The following CDCP1 variants were observed in gnomAD, a reference collection of about 807,000 sequenced individuals.
CDCP1 encodes the protein CUB domain containing protein 1.
CDCP1 carries 29 observed loss-of-function variants against 60.2 expected under a neutral mutation model. That is an observed-to-expected ratio of 0.48 (90% confidence interval 0.36 to 0.66). The LOEUF is 0.66. Among genes scored for constraint, CDCP1 ranks in the 30% least tolerant of loss-of-function variants. The pLI is 0.00. For synonymous variants in CDCP1, 387 were observed against 431.1 expected, an observed-to-expected ratio of 0.90 and a Z score of 1.27; for missense variants, 876 against 1,074.3, an observed-to-expected ratio of 0.82 and a Z score of 2.58.
chr3:45,144,608 G>A (rs1349583932), intron 1 of CDCP1, among the ~76,000 whole-genome samples: 1 of 152,198 alleles, frequency 6.6e-6, no homozygotes, highest in Non-Finnish European at 1.5e-5. Context: ...ACCAGGAACA[G>A]AGGCTCTCAT....
In CDCP1 at chr3:45,095,420, A is replaced by C; in HGVS notation, c.1173T>G (p.Ser391=). Residue 391 remains serine (S), a synonymous_variant, in exon 5 of 9, where the codon TCT becomes TCG. Transcript: ENST00000296129. The part of the protein sequence containing the change: ...RTCSSNLTLT[S]GSKHKISFLC... The stretch of plus-strand genomic sequence containing the variant: ...GGAAGGAGATTTTGTGTTTGGAGCC[A>C]GATGTCAGGGTGAGGTTGCTACTGC... 6.2e-7 allele frequency: 1 copy of C among 1,614,214 alleles called. No homozygotes were observed. The highest frequency in any genetic ancestry group is 1.3e-5 in the African/African-American group (1 of 75,058).
chr3:45,100,699 A>G (rs1698474131), intron 4 of CDCP1, among the ~76,000 whole-genome samples: 1 of 152,214 alleles, frequency 6.6e-6, no homozygotes, highest in Non-Finnish European at 1.5e-5. Flanking sequence ...ATGTTTTAAA[A>G]TGCTTTAAAA....
At chr3:45,134,129 G>A (rs1256644398) in intron 1 of CDCP1, among the ~76,000 whole-genome samples, 9 of 151,838 alleles carry the variant, frequency 5.9e-5, no homozygotes, top group Admixed American at 5.9e-4. Flanking sequence ...TGTTTTTGAG[G>A]CCTTAGATCT....
intron 3 of CDCP1, 53 bp downstream of exon 3, chr3:45,112,030 T>C: frequency 6.3e-7 from 1 of 1,575,476 alleles, no homozygotes; most frequent in Non-Finnish European, 8.6e-7. Flanking sequence ...CCTAGAACAA[T>C]GATGATCTTG....
intron 1 of CDCP1, among the ~76,000 whole-genome samples, chr3:45,133,350 C>G (rs767979004): frequency 6.6e-6 from 1 of 151,396 alleles, no homozygotes; most frequent in Non-Finnish European, 1.5e-5. Context: ...TTCCGACCTA[C>G]AGAACTGTGA....
At chr3:45,123,469 T>C (rs1698920934) in intron 1 of CDCP1, among the ~76,000 whole-genome samples, 1 of 152,178 alleles carries the variant, frequency 6.6e-6, no homozygotes. Flanking sequence ...TGACTTATAT[T>C]ATAGGCTCTT....
intron 4 of CDCP1, among the ~76,000 whole-genome samples, chr3:45,107,196 C>T (rs1031636402): frequency 1.1e-4 from 17 of 151,952 alleles, no homozygotes; most frequent in Non-Finnish European, 2.2e-4. Context: ...AGTGTTGTGT[C>T]TTTCTTTCCT....
intron 1 of CDCP1, among the ~76,000 whole-genome samples, chr3:45,120,925 C>G (rs1009789509): frequency 8.0e-3 from 5 of 624 alleles, no homozygotes; most frequent in African/African-American, 0.016. Flanking sequence ...CCCACCACTT[C>G]AGTCCTCCTG....
At chr3:45,114,203 T>C (rs1230494719) in intron 2 of CDCP1, among the ~76,000 whole-genome samples, 2 of 152,192 alleles carry the variant, frequency 1.3e-5, no homozygotes, top group African/African-American at 4.8e-5. Context: ...CAATTTTTCA[T>C]TTGATGCTAA....
intron 4 of CDCP1, among the ~76,000 whole-genome samples, chr3:45,101,956 T>C (rs561457633): frequency 6.6e-6 from 1 of 152,300 alleles, no homozygotes; most frequent in African/African-American, 2.4e-5. Context: ...ATCAAATATG[T>C]ACAGAGGGCC....
intron 1 of CDCP1, among the ~76,000 whole-genome samples, chr3:45,141,214 A>G (rs1297917103): frequency 6.6e-6 from 1 of 152,130 alleles, no homozygotes; most frequent in Admixed American, 6.5e-5. Context: ...AAAAAAAAGA[A>G]TGTCAGGATC....
chr3:45,088,969 CAA>C, intron 8 of CDCP1, 83 bp downstream of exon 8: 1 of 1,100,810 alleles, frequency 9.1e-7, no homozygotes, highest in Non-Finnish European at 1.4e-6. Context: ...AGCAAGAAAA[CAA>C]AGTCAATAAT....
At chr3:45,108,230 G>A (rs1698605218) in intron 4 of CDCP1, among the ~76,000 whole-genome samples, 1 of 152,092 alleles carries the variant, frequency 6.6e-6, no homozygotes, top group Non-Finnish European at 1.5e-5. Context: ...AGGTTCAGAG[G>A]ATCAAGATGA....
At chr3:45,141,070 G>C (rs1200150662) in intron 1 of CDCP1, among the ~76,000 whole-genome samples, 1 of 152,144 alleles carries the variant, frequency 6.6e-6, no homozygotes, top group African/African-American at 2.4e-5. Context: ...GCATGGTTGT[G>C]CACGCCTGTA....
chr3:45,143,793 A>G (rs1248247985), intron 1 of CDCP1, among the ~76,000 whole-genome samples: 1 of 152,212 alleles, frequency 6.6e-6, no homozygotes, highest in Non-Finnish European at 1.5e-5. Context: ...CCCTAGGGCT[A>G]ACAGGTCTGA....
chr3:45,093,913 CCT>C (rs1698350591), intron 5 of CDCP1, among the ~76,000 whole-genome samples: 1 of 152,080 alleles, frequency 6.6e-6, no homozygotes, highest in South Asian at 2.1e-4. Context: ...GTTGAAATTT[CCT>C]CTCCTTTTTT....
intron 1 of CDCP1, among the ~76,000 whole-genome samples, chr3:45,126,118 C>CCTTCTT (rs1553610979): frequency 1.6e-5 from 2 of 128,422 alleles, no homozygotes; most frequent in African/African-American, 3.0e-5. Flanking sequence ...CTCTTTCTTT[C>CCTTCTT]TTTCTTTCTT....
chr3:45,124,584 A>G (rs1279822105), intron 1 of CDCP1, among the ~76,000 whole-genome samples: 2 of 152,194 alleles, frequency 1.3e-5, no homozygotes, highest in Admixed American at 6.5e-5. Flanking sequence ...GTCAGGTTCC[A>G]CTTATGGCCA....
chr3:45,110,453 G>T lies in CDCP1; in HGVS notation c.1024+20C>A. On this transcript the variant is annotated intron_variant, in intron 4 of 8. Transcript: ENST00000296129. ...GAAGGTGCTGGAGGAGGAAGAAAAA[G>T]GAAAGTGGGGCTCACTCACTGCTTT... The T allele has an allele frequency of 6.2e-7, 1 of 1,611,190 alleles. No homozygotes were observed.
Sources: allele counts gnomAD v4.1 joint callset (sites outside exome capture counted in the v4.1 genomes callset), GRCh38; gene constraint gnomAD v4.1.1; transcripts MANE v1.5; gene names NCBI Gene and HGNC (gene_info 2026-07-23, HGNC 2026-07-21).